The following CALD1 variants were observed in gnomAD, a reference collection of about 807,000 sequenced individuals.
CALD1 encodes caldesmon.
CALD1 carries 33 observed loss-of-function variants against 99.9 expected under a neutral mutation model. That is an observed-to-expected ratio of 0.33 (90% CI 0.25 to 0.44). The LOEUF (loss-of-function observed/expected upper bound fraction) is 0.44. Ranked by LOEUF, CALD1 falls within the 20% of genes least tolerant of loss-of-function variation. The probability of loss-of-function intolerance (pLI) is 1.00; values close to 1 mark genes in which losing one functional copy is unlikely to be tolerated. For synonymous variants in CALD1, 310 were observed against 325.0 expected, an observed-to-expected ratio of 0.95 and a Z score of 0.50; for missense variants, 861 against 962.1, an observed-to-expected ratio of 0.89 and a Z score of 1.39.
intron 4 of CALD1, among the ~76,000 whole-genome samples, chr7:134,929,609 TGTGTATATATAC>T (rs1476549751): frequency 0.016 from 220 of 13,560 alleles, 45 homozygotes; most frequent in Middle Eastern, 0.043. Flanking sequence ...TTCCATGGTG[TGTGTATATATAC>T]GTGTGTGTGT....
chr7:134,719,702 C>A, the CALD1 span, among the ~76,000 whole-genome samples: 1 of 152,260 alleles, frequency 6.6e-6, no homozygotes, highest in Non-Finnish European at 1.5e-5. Context: ...GCTTGGACGT[C>A]AACGGCCTTG....
At chr7:134,712,086 GA>G in the CALD1 span, among the ~76,000 whole-genome samples, 4 of 150,668 alleles carry the variant, frequency 2.7e-5, no homozygotes, top group East Asian at 3.9e-4. Context: ...TGGGAAAGAG[GA>G]AAAAAAGAAA....
At chr7:134,713,875 G>C in the CALD1 span, among the ~76,000 whole-genome samples, 2 of 152,252 alleles carry the variant, frequency 1.3e-5, no homozygotes, top group African/African-American at 4.8e-5. Context: ...GGGGAGGGTT[G>C]GTGATACGGT....
At chr7:134,791,382 G>C (rs185144330) in intron 1 of CALD1, among the ~76,000 whole-genome samples, 9 of 152,286 alleles carry the variant, frequency 5.9e-5, no homozygotes, top group Admixed American at 3.9e-4. Context: ...ATTTTTAGTA[G>C]AGACGGGGTT....
intron 3 of CALD1, among the ~76,000 whole-genome samples, chr7:134,906,971 A>C (rs1400288833): frequency 6.6e-6 from 1 of 152,242 alleles, no homozygotes; most frequent in Non-Finnish European, 1.5e-5. Context: ...GGTTCTGAAT[A>C]CAAGTTACCT....
At chr7:134,767,308 A>G (rs1256529401) in intron 1 of CALD1, among the ~76,000 whole-genome samples, 1 of 152,080 alleles carries the variant, frequency 6.6e-6, no homozygotes, top group Non-Finnish European at 1.5e-5. Context: ...TGCTTAGTCC[A>G]AACAGCCATT....
intron 3 of CALD1, among the ~76,000 whole-genome samples, chr7:134,878,806 A>T (rs1442310143): frequency 6.6e-6 from 1 of 151,896 alleles, no homozygotes; most frequent in African/African-American, 2.4e-5. Context: ...TACAAATAAT[A>T]ATAATAAAAA....
intron 1 of CALD1, among the ~76,000 whole-genome samples, chr7:134,823,241 C>T (rs1022474335): frequency 9.2e-5 from 14 of 152,190 alleles, no homozygotes; most frequent in African/African-American, 3.4e-4. Flanking sequence ...TAAAATATCT[C>T]GATATTTACA....
At chr7:134,840,541 G>A (rs943636665) in intron 1 of CALD1, among the ~76,000 whole-genome samples, 1 of 152,198 alleles carries the variant, frequency 6.6e-6, no homozygotes, top group Non-Finnish European at 1.5e-5. Context: ...ACTGCCACAA[G>A]CTATTCCATT....
chr7:134,900,602 C>T lies in CALD1; in HGVS notation c.72-28152C>T, dbSNP rs1390845572. Among the ~76,000 whole-genome samples the T allele has an allele frequency of 2.0e-5, 3 of 152,008 alleles. No individual in the cohort carries two copies. The South Asian group carries it at 6.2e-4, about 32-fold the overall frequency. On this transcript the variant is annotated intron_variant, in intron 3 of 14. Transcript: ENST00000361675. The stretch of plus-strand genomic sequence containing the variant: ...TCTTGACAAATAAGAAACTGGGGCC[C>T]GATATGCTGATTCCCACATCTGTAT...
intron 1 of CALD1, among the ~76,000 whole-genome samples, chr7:134,792,320 G>A (rs777910940): frequency 1.0e-4 from 13 of 129,524 alleles, no homozygotes; most frequent in East Asian, 4.4e-4. Flanking sequence ...ATGGAGTTTC[G>A]CTCTTATTGC....
the CALD1 span, among the ~76,000 whole-genome samples, chr7:134,718,552 A>G: frequency 6.6e-6 from 1 of 152,188 alleles, no homozygotes; most frequent in Non-Finnish European, 1.5e-5. Flanking sequence ...AATGTTTCAT[A>G]TAATGATGTA....
intron 2 of CALD1, among the ~76,000 whole-genome samples, chr7:134,851,560 A>C (rs968881170): frequency 6.6e-6 from 1 of 152,232 alleles, no homozygotes; most frequent in Non-Finnish European, 1.5e-5. Context: ...TGTCAGAAAC[A>C]GCCAAAATCT....
intron 1 of CALD1, among the ~76,000 whole-genome samples, chr7:134,818,695 A>T (rs1214736577): frequency 6.6e-6 from 1 of 152,174 alleles, no homozygotes; most frequent in Non-Finnish European, 1.5e-5. Context: ...TTGATGGGTC[A>T]TATTTCTCTG....
chr7:134,859,446 C>T (rs1013366950), intron 2 of CALD1, among the ~76,000 whole-genome samples: 3 of 152,174 alleles, frequency 2.0e-5, no homozygotes, highest in Non-Finnish European at 2.9e-5. Flanking sequence ...TAAACTCTGT[C>T]TTTCAGCCTA....
At chr7:134,883,208 T>C (rs1801687994) in intron 3 of CALD1, among the ~76,000 whole-genome samples, 1 of 152,204 alleles carries the variant, frequency 6.6e-6, no homozygotes, top group African/African-American at 2.4e-5. Flanking sequence ...AAAGGTAATT[T>C]GAAGTTATCC....
intron 3 of CALD1, among the ~76,000 whole-genome samples, chr7:134,916,529 T>A (rs976464685): frequency 1.5e-4 from 23 of 152,196 alleles, no homozygotes; most frequent in African/African-American, 3.9e-4. Flanking sequence ...TTTCCCCACA[T>A]TAAGCAGAGC....
At chr7:134,758,080 G>A (rs1796745436) in intron 1 of CALD1, among the ~76,000 whole-genome samples, 1 of 152,112 alleles carries the variant, frequency 6.6e-6, no homozygotes, top group South Asian at 2.1e-4. Context: ...CAGTTTACGT[G>A]GGCCCACCCA....
intron 1 of CALD1, among the ~76,000 whole-genome samples, chr7:134,803,832 A>G (rs1798036674): frequency 6.6e-6 from 1 of 151,486 alleles, no homozygotes. Context: ...AATAGCTGGG[A>G]TTACAGGTGC....
Sources: allele counts gnomAD v4.1 joint callset (sites outside exome capture counted in the v4.1 genomes callset), GRCh38; gene constraint gnomAD v4.1.1; transcripts MANE v1.5; gene names NCBI Gene and HGNC (gene_info 2026-07-23, HGNC 2026-07-21).